Variants in DHRS12 observed in about 807,000 individuals in gnomAD.
DHRS12 encodes the protein dehydrogenase/reductase 12, also known as dehydrogenase/reductase SDR family member 12.
In DHRS12, 29 loss-of-function variants were observed where a neutral mutation model predicts 32.1. The ratio of observed to expected loss-of-function variants is 0.90; its 90% CI spans 0.67 to 1.23. The LOEUF is 1.23. DHRS12 is among the 50% of genes most tolerant of loss of function. The pLI is 0.00. For missense variants in DHRS12, 330 were observed against 337.2 expected, an observed-to-expected ratio of 0.98 and a Z score of 0.17; for synonymous variants, 150 against 135.9, an observed-to-expected ratio of 1.10 and a Z score of -0.72.
intron 4 of DHRS12, 34 bp from the exon 5 acceptor site, chr13:51,777,155 G>C: frequency 1.2e-6 from 2 of 1,611,960 alleles, no homozygotes; most frequent in South Asian, 1.1e-5. Flanking sequence ...TGAGGGGGCT[G>C]CAGGAAGCCC....
chr13:51,762,414 C>CAT, the DHRS12 span: 1 of 152,222 alleles, frequency 6.6e-6, no homozygotes, highest in Non-Finnish European at 1.5e-5. Context: ...TGTTGAGAAT[C>CAT]ATCATCAGAA....
At chr13:51,798,917 T>C (rs1036275527) in intron 2 of DHRS12, among the ~76,000 whole-genome samples, 2 of 152,238 alleles carry the variant, frequency 1.3e-5, no homozygotes, top group African/African-American at 4.8e-5. Flanking sequence ...GCATTTACCA[T>C]GAGGAAGACT....
intron 7 of DHRS12, 126 bp downstream of exon 7, chr13:51,771,695 A>G: frequency 7.3e-7 from 1 of 1,362,194 alleles, no homozygotes; most frequent in Non-Finnish European, 1.0e-6. Context: ...CTAAATGGAA[A>G]TGAAGCTACT....
chr13:51,797,538 G>T (rs1841458227), intron 2 of DHRS12, among the ~76,000 whole-genome samples: 1 of 152,190 alleles, frequency 6.6e-6, no homozygotes, highest in South Asian at 2.1e-4. Flanking sequence ...GAGGTGAGGA[G>T]ACTGGAAGTA....
At chr13:51,793,287 T>TA (rs1204359036) in intron 2 of DHRS12, among the ~76,000 whole-genome samples, 1 of 152,220 alleles carries the variant, frequency 6.6e-6, no homozygotes, top group Non-Finnish European at 1.5e-5. Flanking sequence ...TCAGTGGACA[T>TA]ACGTGACTTA....
chr13:51,784,991 G>T (rs1464247699), intron 4 of DHRS12, among the ~76,000 whole-genome samples: 1 of 152,206 alleles, frequency 6.6e-6, no homozygotes, highest in Non-Finnish European at 1.5e-5. Context: ...AATTTGGGGG[G>T]CCAAGGCAGG....
chr13:51,769,315 C>T (rs374934121), intron 7 of DHRS12, 22 bp from the exon 8 acceptor site: 3 of 1,492,018 alleles, frequency 2.0e-6, no homozygotes, highest in South Asian at 1.3e-5. Flanking sequence ...AAGGGTCAGG[C>T]GGATTAGGAC....
intron 7 of DHRS12, chr13:51,770,697 T>A: frequency 1.0e-6 from 1 of 952,894 alleles, no homozygotes; most frequent in Non-Finnish European, 1.3e-6. Flanking sequence ...CTGGTCTCCA[T>A]GAGATGCCAC....
chr13:51,770,771 A>T (rs1238928582), intron 7 of DHRS12: 1 of 1,019,532 alleles, frequency 9.8e-7, no homozygotes, highest in Non-Finnish European at 1.2e-6. Flanking sequence ...ATCATGAGGC[A>T]TGTACTATTC....
chr13:51,797,736 C>G (rs1708090222), intron 2 of DHRS12: 1 of 1,352,146 alleles, frequency 7.4e-7, no homozygotes, highest in African/African-American at 1.4e-5. Context: ...AGGCCCTCTT[C>G]AACCCAGGGA....
chr13:51,787,994 C>T (rs186394759), intron 4 of DHRS12, among the ~76,000 whole-genome samples: 72 of 147,002 alleles, frequency 4.9e-4, no homozygotes, highest in East Asian at 2.1e-3. Context: ...CCGGCCGCAG[C>T]GAACACTTAG....
chr13:51,787,835 A>G (rs1174508919), intron 4 of DHRS12, among the ~76,000 whole-genome samples: 6 of 119,736 alleles, frequency 5.0e-5, no homozygotes, highest in African/African-American at 1.9e-4. Flanking sequence ...TAAATTATAT[A>G]AACATATAAT....
intron 7 of DHRS12, among the ~76,000 whole-genome samples, chr13:51,769,713 G>C (rs781639139): frequency 1.8e-4 from 27 of 152,242 alleles, no homozygotes; most frequent in Non-Finnish European, 3.5e-4. Flanking sequence ...AGAGGATCCT[G>C]GCTGTTGGTT....
intron 4 of DHRS12, among the ~76,000 whole-genome samples, chr13:51,789,163 C>A (rs890030369): frequency 6.6e-6 from 1 of 152,106 alleles, no homozygotes; most frequent in African/African-American, 2.4e-5. Context: ...TATTGGACAC[C>A]CTCAATGACT....
intron 6 of DHRS12, chr13:51,772,703 TCA>T: frequency 1.0e-6 from 1 of 985,392 alleles, no homozygotes; most frequent in Non-Finnish European, 1.2e-6. Context: ...CCAGCTGCAG[TCA>T]CACTATTGCC....
chr13:51,777,424 T>C (rs939833714), intron 4 of DHRS12: 2 of 404,458 alleles, frequency 4.9e-6, no homozygotes, highest in Non-Finnish European at 9.0e-6. Context: ...GAAGAAAAAA[T>C]GCATCTATAT....
chr13:51,786,424 G>A (rs185089197), intron 4 of DHRS12, among the ~76,000 whole-genome samples: 28 of 152,188 alleles, frequency 1.8e-4, no homozygotes, highest in Middle Eastern at 3.4e-3. Flanking sequence ...GCCACTGAAT[G>A]CTAACAGGCA....
the DHRS12 span, chr13:51,756,594 G>T: frequency 1.4e-6 from 2 of 1,388,160 alleles, no homozygotes; most frequent in African/African-American, 2.9e-5. Flanking sequence ...ACGGCAAGCA[G>T]TAAAAGCTCT....
downstream of DHRS12, chr13:51,765,516 A>C (rs1338650664): frequency 1.3e-5 from 2 of 152,146 alleles, no homozygotes; most frequent in South Asian, 4.1e-4. Flanking sequence ...TTGAGGGATG[A>C]ATTTGATCAT....
Sources: allele counts gnomAD v4.1 joint callset (sites outside exome capture counted in the v4.1 genomes callset), GRCh38; gene constraint gnomAD v4.1.1; transcripts MANE v1.5; gene names NCBI Gene and HGNC (gene_info 2026-07-23, HGNC 2026-07-21).